Variants in SLCO1B3 observed in about 807,000 individuals in gnomAD.
SLCO1B3 encodes the protein liver-specific organic anion transporter 2.
SLCO1B3 carries 72 observed loss-of-function variants against 71.8 expected under a neutral mutation model. The observed-to-expected ratio is 1.00, with a 90% CI of 0.83 to 1.22. SLCO1B3 has a LOEUF of 1.22. Ranked by LOEUF, SLCO1B3 falls within the 50% of genes most tolerant of loss-of-function variation. The pLI is 0.00. For missense variants in SLCO1B3, 911 were observed against 819.7 expected (o/e 1.11, Z -1.36); for synonymous variants, 298 against 278.4 (o/e 1.07, Z -0.70).
chr12:20,812,643 GTTTTAT>G (rs1218572410), intron 1 of SLCO1B3, among the ~76,000 whole-genome samples: 2 of 152,178 alleles, frequency 1.3e-5, no homozygotes, highest in African/African-American at 4.8e-5. Context: ...GGAAGTGTAA[GTTTTAT>G]TTTTGTTGTA....
At chr12:20,834,395 G>GTT (rs1431066467) in intron 3 of SLCO1B3, among the ~76,000 whole-genome samples, 1 of 143,482 alleles carries the variant, frequency 7.0e-6, no homozygotes, top group Non-Finnish European at 1.5e-5. Context: ...TTATATATAG[G>GTT]TTATATATAA....
intron 8 of SLCO1B3, among the ~76,000 whole-genome samples, chr12:20,865,823 T>G (rs183777372): frequency 1.3e-5 from 2 of 152,102 alleles, no homozygotes; most frequent in Admixed American, 6.6e-5. Context: ...GAGAAACTCT[T>G]ATAGACCTTA....
intron 9 of SLCO1B3, among the ~76,000 whole-genome samples, chr12:20,877,430 A>T (rs1351330079): frequency 6.6e-6 from 1 of 152,156 alleles, no homozygotes; most frequent in Non-Finnish European, 1.5e-5. Flanking sequence ...TACAAAGACA[A>T]CATGTAAACA....
At chr12:20,870,808 G>A (rs1865460663) in intron 8 of SLCO1B3, among the ~76,000 whole-genome samples, 1 of 152,120 alleles carries the variant, frequency 6.6e-6, no homozygotes, top group Non-Finnish European at 1.5e-5. Flanking sequence ...GAGGTCATTT[G>A]TTGGTTTCAT....
intron 3 of SLCO1B3, among the ~76,000 whole-genome samples, chr12:20,835,014 G>A (rs1012351778): frequency 6.6e-6 from 1 of 152,188 alleles, no homozygotes; most frequent in African/African-American, 2.4e-5. Flanking sequence ...CTAGGTGGAG[G>A]TTCCCAAACT....
At chr12:20,890,208 C>G (rs901167008) in intron 13 of SLCO1B3, among the ~76,000 whole-genome samples, 1 of 143,622 alleles carries the variant, frequency 7.0e-6, no homozygotes, top group African/African-American at 2.5e-5. Context: ...TGTGAGCCAC[C>G]ACACCCAGCC....
Position 20,875,442 on chromosome 12 carries a change from C to T in SLCO1B3, c.935C>T (p.Thr312Ile), listed in dbSNP as rs371298832. 21 of 1,600,308 alleles carry T rather than the reference C, an allele frequency of 1.3e-5. No individual in the cohort carries two copies. The highest frequency in any genetic ancestry group is 2.7e-5 in the African/African-American group (2 of 73,686). Residue 312 changes from threonine (T) to isoleucine (I), a missense_variant, in exon 9 of 16, where the codon ACC (threonine) becomes ATC (isoleucine). Transcript: ENST00000381545. ...GATAGAAATCAAACAGCTAATTTGA[C>T]CAACCAAGGAAAAAATGTTACCAAA... ...NDDRNQTANLTNQGKNVTKNV... is the reference protein window; with the variant it reads ...NDDRNQTANLINQGKNVTKNV...
chr12:20,895,015 G>A (rs191306983), intron 13 of SLCO1B3, among the ~76,000 whole-genome samples: 9 of 152,258 alleles, frequency 5.9e-5, no homozygotes, highest in East Asian at 1.9e-4. Context: ...GGAAAAGTAC[G>A]CATTATAAAG....
intron 13 of SLCO1B3, among the ~76,000 whole-genome samples, chr12:20,890,928 T>G (rs2121338645): frequency 6.6e-6 from 1 of 152,214 alleles, no homozygotes; most frequent in African/African-American, 2.4e-5. Context: ...GTTAGGTGGG[T>G]TTTTTGTATG....
chr12:20,876,402 G>A (rs974684439), intron 9 of SLCO1B3, among the ~76,000 whole-genome samples: 2 of 152,122 alleles, frequency 1.3e-5, no homozygotes, highest in Non-Finnish European at 2.9e-5. Context: ...TAAACCCTTG[G>A]CACTTTTTAA....
chr12:20,914,655 C>T (rs891017062), intron 15 of SLCO1B3, among the ~76,000 whole-genome samples: 1 of 151,972 alleles, frequency 6.6e-6, no homozygotes, highest in African/African-American at 2.4e-5. Context: ...ATATCATTTT[C>T]CTTCTAACAA....
intron 5 of SLCO1B3, among the ~76,000 whole-genome samples, chr12:20,860,146 G>A (rs10841678): frequency 0.53 from 80,526 of 151,488 alleles, 24,108 homozygotes; most frequent in South Asian, 0.77. Context: ...TAGTAGAGAC[G>A]GGGTTTCACT....
intron 13 of SLCO1B3, among the ~76,000 whole-genome samples, chr12:20,888,044 G>A (rs1769385855): frequency 6.6e-6 from 1 of 151,914 alleles, no homozygotes; most frequent in Admixed American, 6.6e-5. Context: ...GTAGGTATGT[G>A]GCTTTATTTC....
intron 4 of SLCO1B3, among the ~76,000 whole-genome samples, chr12:20,856,947 G>A (rs902092769): frequency 7.3e-6 from 1 of 137,694 alleles, no homozygotes; most frequent in African/African-American, 2.5e-5. Context: ...CAGTGGACAC[G>A]AGGGATGACT....
chr12:20,880,281 C>T (rs1031043718), intron 11 of SLCO1B3, among the ~76,000 whole-genome samples: 22 of 151,122 alleles, frequency 1.5e-4, no homozygotes, highest in Admixed American at 1.4e-3. Context: ...ATTTTTTATC[C>T]TTTTTCAACT....
intron 3 of SLCO1B3, among the ~76,000 whole-genome samples, chr12:20,850,700 C>A (rs1318766064): frequency 6.6e-6 from 1 of 152,180 alleles, no homozygotes; most frequent in East Asian, 1.9e-4. Context: ...TTGTTCCCTT[C>A]TTTGTATCCA....
intron 8 of SLCO1B3, among the ~76,000 whole-genome samples, chr12:20,870,694 T>A (rs768437277): frequency 2.0e-5 from 3 of 152,312 alleles, no homozygotes; most frequent in Middle Eastern, 3.4e-3. Flanking sequence ...TCTATCTTTA[T>A]GCCAGTACTG....
intron 13 of SLCO1B3, among the ~76,000 whole-genome samples, chr12:20,890,350 T>G (rs1216613245): frequency 6.6e-6 from 1 of 152,194 alleles, no homozygotes; most frequent in Non-Finnish European, 1.5e-5. Flanking sequence ...CTATTTTTAT[T>G]CCACTGTACT....
At chr12:20,837,809 TGTAAA>T (rs1447217265) in intron 3 of SLCO1B3, among the ~76,000 whole-genome samples, 3 of 152,188 alleles carry the variant, frequency 2.0e-5, no homozygotes, top group African/African-American at 7.2e-5. Context: ...TACATGAAGT[TGTAAA>T]GTAATATATA....
Sources: gnomAD v4.1 joint callset for allele counts (sites outside exome capture counted in the v4.1 genomes callset) on GRCh38, gnomAD v4.1.1 for gene constraint, MANE v1.5 for transcripts, NCBI Gene and HGNC (gene_info 2026-07-23, HGNC 2026-07-21) for gene names.